The following GNAO1 variants were observed in gnomAD, a reference collection of about 807,000 sequenced individuals.
GNAO1 encodes guanine nucleotide-binding protein G(o) subunit alpha.
For missense variants in GNAO1, 166 were observed against 478.7 expected, an observed-to-expected ratio of 0.35 and a Z score of 6.10; for synonymous variants, 164 against 180.7, an observed-to-expected ratio of 0.91 and a Z score of 0.74.
intron 2 of GNAO1, among the ~76,000 whole-genome samples, chr16:56,207,682 T>G (rs1323223539): frequency 1.3e-5 from 2 of 152,182 alleles, no homozygotes; most frequent in Non-Finnish European, 2.9e-5. Context: ...TAATAGTAAG[T>G]CAAAATAGGC....
chr16:56,355,152 ACAC>A, intron 8 of GNAO1, 71 bp downstream of exon 8: 1 of 546,348 alleles, frequency 1.8e-6, no homozygotes, highest in Non-Finnish European at 3.2e-6. Flanking sequence ...ACACACACAC[ACAC>A]CACTAACAAA....
chr16:56,323,697 A>C lies in GNAO1; in HGVS notation c.304-4934A>C, dbSNP rs930782348. Among the ~76,000 whole-genome samples, 48 of 151,480 alleles carry C rather than the reference A, an allele frequency of 3.2e-4. 1 individual carries two copies. Among genetic ancestry groups the C allele is most frequent in the Admixed American group, 2.5e-3 (38 of 15,206 alleles). On this transcript the variant is annotated intron_variant, in intron 3 of 8. Coordinates refer to ENST00000262493, the MANE Select transcript of GNAO1 (RefSeq NM_020988.3). Reference sequence around the variant, plus strand: ...AAATCCAGCCTTTTAGTTGGATATCAGTGTGCCCAACCAAAAATTTCTGGA... The same window carrying C: ...AAATCCAGCCTTTTAGTTGGATATCCGTGTGCCCAACCAAAAATTTCTGGA...
intron 3 of GNAO1, 104 bp from the exon 4 acceptor site, chr16:56,328,527 G>T: frequency 8.4e-7 from 1 of 1,185,292 alleles, no homozygotes; most frequent in Non-Finnish European, 1.2e-6. Flanking sequence ...CTGCTGCACT[G>T]GCTGGGCTCT....
intron 3 of GNAO1, chr16:56,301,200 GTT>G (rs1446700307): frequency 6.6e-6 from 1 of 152,266 alleles, no homozygotes. Context: ...GGTAAACAGA[GTT>G]TGGGCTTACG....
rs1367074435 is a variant in GNAO1, at chr16:56,311,039, C to T, written c.304-17592C>T. 6.6e-5 allele frequency among the ~76,000 whole-genome samples: 10 copies of T among 152,166 alleles called. No homozygotes were observed. The highest frequency in any genetic ancestry group is 4.1e-4 in the South Asian group (2 of 4,820). ...AGGTTGTGGCCTACAGAAAAGTTCC[C>T]GACTAGCAGACCATGAGAGGGCTGA... On this transcript the variant is annotated intron_variant, in intron 3 of 8. Transcript: ENST00000262493. The surrounding 1 kb of genome is among the most constrained non-coding windows in gnomAD (Gnocchi z 5.2).
Position 56,351,105 on chromosome 16 carries a change from G to T in GNAO1, c.724-279G>T, listed in dbSNP as rs1319374727. 6.6e-6 allele frequency among the ~76,000 whole-genome samples: 1 copy of T among 152,208 alleles called. No homozygotes were observed. The highest frequency in any genetic ancestry group is 2.4e-5 in the African/African-American group (1 of 41,456). Reference sequence around the variant, plus strand: ...TCACATAGCTGGGAACTCTGCAGTGGGGAGAGCCCGGGTCACCCTGTCCTC... The same window carrying T: ...TCACATAGCTGGGAACTCTGCAGTGTGGAGAGCCCGGGTCACCCTGTCCTC... On this transcript the variant is annotated intron_variant, in intron 6 of 8. Transcript: ENST00000262493. This position sits in a 1 kb window ranked among gnomAD's most constrained non-coding sequence, Gnocchi z 6.1.
At position 56,294,062 on chromosome 16, in the gene GNAO1, T is replaced by G. The variant is rs115766155; in HGVS notation, c.303+17990T>G. Among the ~76,000 whole-genome samples the G allele has an allele frequency of 7.9e-3, 1,204 of 152,288 alleles. 15 individuals are homozygous for G. The highest frequency in any genetic ancestry group is 0.027 in the African/African-American group (1,111 of 41,548). ...TTATTACTATACTTTATAGATGAGC[T>G]GAGAAAGGTTAAGTCGCTTGCCCAA... On this transcript the variant is annotated intron_variant, in intron 3 of 8. Transcript: ENST00000262493.
chr16:56,344,975 CAGCCCCTGGGG>C (rs1266458298), intron 6 of GNAO1: 8 of 982,250 alleles, frequency 8.1e-6, no homozygotes, highest in Non-Finnish European at 9.7e-6. Context: ...GGTGTCTTCC[CAGCCCCTGGGG>C]ACAGAGGACA....
At chr16:56,321,057 G>A (rs1212049125) in intron 3 of GNAO1, among the ~76,000 whole-genome samples, 5 of 152,204 alleles carry the variant, frequency 3.3e-5, no homozygotes, top group Non-Finnish European at 5.9e-5. Flanking sequence ...CACTGTGCAC[G>A]GGGTGTGGTC....
intron 2 of GNAO1, chr16:56,255,390 A>C (rs1407987643): frequency 2.0e-5 from 3 of 152,258 alleles, no homozygotes; most frequent in African/African-American, 7.2e-5. Flanking sequence ...CCTCTAAAAA[A>C]TGATGGGCAA....
At chr16:56,318,498 G>T (rs2037537278) in intron 3 of GNAO1, among the ~76,000 whole-genome samples, 2 of 152,334 alleles carry the variant, frequency 1.3e-5, no homozygotes, top group African/African-American at 4.8e-5. Flanking sequence ...CCTGCCCCCT[G>T]GTGGGTACAG....
chr16:56,343,802 C>T (rs1433538642), intron 6 of GNAO1: 14 of 1,613,744 alleles, frequency 8.7e-6, no homozygotes, highest in Non-Finnish European at 1.2e-5. Context: ...TACATCCAGG[C>T]CCAGTACGAG....
At chr16:56,348,296 C>A in intron 6 of GNAO1, 2 of 528,080 alleles carry the variant, frequency 3.8e-6, no homozygotes, top group Non-Finnish European at 4.9e-6. Flanking sequence ...GGTCCCAGGA[C>A]TGCTGGCAGC....
intron 3 of GNAO1, among the ~76,000 whole-genome samples, chr16:56,283,108 T>C (rs1205566843): frequency 1.3e-5 from 2 of 152,250 alleles, no homozygotes; most frequent in Non-Finnish European, 2.9e-5. Flanking sequence ...CCAAACATCT[T>C]GTGGCTCTGA....
At chr16:56,285,204 T>C (rs1435345085) in intron 3 of GNAO1, among the ~76,000 whole-genome samples, 3 of 152,264 alleles carry the variant, frequency 2.0e-5, no homozygotes, top group Admixed American at 2.0e-4. Flanking sequence ...CAAGCGGTGA[T>C]GCCTTGCGCT....
Position 56,276,091 on chromosome 16 carries a change from A to C in GNAO1, c.303+19A>C, listed in dbSNP as rs1253459253. On this transcript the variant is annotated intron_variant, in intron 3 of 8. Coordinates refer to ENST00000262493, the MANE Select transcript of GNAO1 (RefSeq NM_020988.3). The stretch of plus-strand genomic sequence containing the variant: ...GAGAAAGGTAGGCCCCTGAGCCCAT[A>C]AGCACAGCAACAAGAGGTTCTGTCT... The C allele has an allele frequency of 1.2e-6, 2 of 1,605,240 alleles. No individual in the cohort carries two copies. Among genetic ancestry groups the C allele is most frequent in the Non-Finnish European group, 1.7e-6 (2 of 1,175,034 alleles).
At chr16:56,348,954 G>A (rs1481775227) in intron 6 of GNAO1, among the ~76,000 whole-genome samples, 1 of 152,168 alleles carries the variant, frequency 6.6e-6, no homozygotes, top group Admixed American at 6.5e-5. Flanking sequence ...TTCTCCAGCT[G>A]GACTCTGAGC....
At chr16:56,345,131 G>A (rs927484003) in intron 6 of GNAO1, 115 of 985,694 alleles carry the variant, frequency 1.2e-4, no homozygotes, top group Non-Finnish European at 1.3e-4. Context: ...CTGAGCAGAA[G>A]GGGGCGGGGT....
chr16:56,231,548 G>T (rs184761807), intron 2 of GNAO1, among the ~76,000 whole-genome samples: 9 of 152,138 alleles, frequency 5.9e-5, no homozygotes, highest in Non-Finnish European at 1.2e-4. Context: ...CTGTGAGCGG[G>T]GATTAGAGAG....
Sources: gnomAD v4.1 joint callset for allele counts (sites outside exome capture counted in the v4.1 genomes callset) on GRCh38, gnomAD v4.1.1 for gene constraint, Gnocchi (gnomAD v3.1) non-coding constraint, MANE v1.5 for transcripts, NCBI Gene and HGNC (gene_info 2026-07-23, HGNC 2026-07-21) for gene names.